The following PCDHGA6 variants were observed in gnomAD, a reference collection of about 807,000 sequenced individuals.
PCDHGA6 encodes protocadherin gamma subfamily A, 6, also known as protocadherin gamma-A6.
In PCDHGA6, 41 loss-of-function variants were observed where a neutral mutation model predicts 60.6. The ratio of observed to expected loss-of-function variants is 0.68; its 90% CI spans 0.53 to 0.88. The LOEUF (loss-of-function observed/expected upper bound fraction) is 0.88. PCDHGA6 is among the 40% of genes least tolerant of loss of function. The probability of loss-of-function intolerance (pLI) is 0.00; values close to 1 mark genes in which losing one functional copy is unlikely to be tolerated. For missense variants in PCDHGA6, 1,312 were observed against 1,203.0 expected, an observed-to-expected ratio of 1.09 and a Z score of -1.34; for synonymous variants, 594 against 524.4, an observed-to-expected ratio of 1.13 and a Z score of -1.81.
intron 1 of PCDHGA6, among the ~76,000 whole-genome samples, chr5:141,465,904 C>T (rs1364574558): frequency 2.0e-5 from 3 of 152,046 alleles, no homozygotes; most frequent in Admixed American, 6.5e-5. Context: ...GGGCAAATCA[C>T]GAGGTCAGGA....
At position 141,491,942 on chromosome 5, in the gene PCDHGA6, C is replaced by T. The variant is rs932715298; in HGVS notation, c.2425-2865C>T. 6.4e-5 allele frequency: 72 copies of T among 1,122,376 alleles called. No individual in the cohort carries two copies. Among genetic ancestry groups the T allele is most frequent in the Admixed American group, 3.5e-5 (1 of 28,738 alleles). 69.5% of individuals were successfully genotyped at this position (1,122,376 alleles called of 1,614,324 possible). A position where few individuals can be genotyped will look rare whatever the true frequency, so the allele number is the denominator to read the frequency against. ...GGCGAGGGGAGGTGGGACCGACCCC[C>T]ACCCCTACACTCAAAAAAGGCCGGG... is the stretch of plus-strand genomic sequence containing the variant. On this transcript the variant is annotated intron_variant, in intron 1 of 3. Transcript: ENST00000517434. The surrounding 1 kb of genome is among the most constrained non-coding windows in gnomAD (Gnocchi z 6.9).
chr5:141,500,461 G>A (rs1343646600), intron 2 of PCDHGA6, among the ~76,000 whole-genome samples: 1 of 151,910 alleles, frequency 6.6e-6, no homozygotes, highest in Non-Finnish European at 1.5e-5. Flanking sequence ...CGCCCGCCTC[G>A]GCCTCCCAAA....
Position 141,486,902 on chromosome 5 carries a change from C to T in PCDHGA6, c.2425-7905C>T, listed in dbSNP as rs2099636761. On this transcript the variant is annotated intron_variant, in intron 1 of 3. Transcript: ENST00000517434. This position sits in a 1 kb window ranked among gnomAD's most constrained non-coding sequence, Gnocchi z 5.0. ...TCGGGCCCGGCCTGGTTCCTTATGT[C>T]CCCAAGCACTGCCTCCATCAGTTGG... 1 of 1,614,226 alleles carries T rather than the reference C, an allele frequency of 6.2e-7. No individual in the cohort carries two copies. The highest frequency in any genetic ancestry group is 8.5e-7 in the Non-Finnish European group (1 of 1,180,044).
intron 1 of PCDHGA6, chr5:141,403,174 T>C: frequency 1.9e-6 from 3 of 1,614,000 alleles, no homozygotes; most frequent in Non-Finnish European, 2.5e-6. Context: ...GGACGCAGCT[T>C]TTCTCTCTGA....
At chr5:141,499,025 GAAGA>G (rs1309889371) in intron 2 of PCDHGA6, among the ~76,000 whole-genome samples, 11 of 140,712 alleles carry the variant, frequency 7.8e-5, no homozygotes, top group African/African-American at 2.6e-4. Flanking sequence ...AGGAAGGAAG[GAAGA>G]AAAGAAAGAA....
Position 141,421,056 on chromosome 5 carries a change from A to G in PCDHGA6, c.2424+44549A>G, listed in dbSNP as rs1378326708. On this transcript the variant is annotated intron_variant, in intron 1 of 3. Coordinates refer to ENST00000517434, the MANE Select transcript of PCDHGA6 (RefSeq NM_018919.3). ...TCCCTCCCTCCCCCGCCTCTACCACACAAAGCGGAATGAGATGGATACTCA... is the reference window on the plus strand; with the variant it reads ...TCCCTCCCTCCCCCGCCTCTACCACGCAAAGCGGAATGAGATGGATACTCA... 5 of 576,490 alleles carry G rather than the reference A, an allele frequency of 8.7e-6. No individual in the cohort carries two copies. In the East Asian group the frequency reaches 9.2e-5, roughly 11 times the overall value. The allele number at this position is 576,490 out of a possible 1,614,324, so 35.7% of individuals were successfully genotyped here. A position where few individuals can be genotyped will look rare whatever the true frequency, so the allele number is the denominator to read the frequency against.
chr5:141,487,485 G>A lies in PCDHGA6; in HGVS notation c.2425-7322G>A. On this transcript the variant is annotated intron_variant, in intron 1 of 3. Transcript: ENST00000517434. The surrounding 1 kb of genome is among the most constrained non-coding windows in gnomAD (Gnocchi z 5.0). ...GTTGATGTGGGAGGCCACTCTCATG[G>A]CTGTACACCCTTGGCTTCTGCACCC... The A allele has an allele frequency of 6.2e-7, 1 of 1,614,164 alleles. No homozygotes were observed. Among genetic ancestry groups the A allele is most frequent in the Non-Finnish European group, 8.5e-7 (1 of 1,180,030 alleles).
rs200533514 is a variant in PCDHGA6 at position 141,476,315 on chromosome 5, C to T, written c.2425-18492C>T. On this transcript the variant is annotated intron_variant, in intron 1 of 3. Transcript: ENST00000517434. This position sits in a 1 kb window ranked among gnomAD's most constrained non-coding sequence, Gnocchi z 7.6. The stretch of plus-strand genomic sequence containing the variant: ...CGGTAGCCTCTCAGCCCGCAGGTTC[C>T]GGGTGGTGTCTGGAGCTAGCCGAAG... 264 of 1,613,910 alleles carry T rather than the reference C, an allele frequency of 1.6e-4. No homozygotes were observed. The highest frequency in any genetic ancestry group is 2.1e-4 in the Non-Finnish European group (248 of 1,180,024).
chr5:141,476,714 C>T lies in PCDHGA6; in HGVS notation c.2425-18093C>T, dbSNP rs146188020. On this transcript the variant is annotated intron_variant, in intron 1 of 3. Transcript: ENST00000517434. The surrounding 1 kb of genome is among the most constrained non-coding windows in gnomAD (Gnocchi z 7.6). ...CAAGTACGCGGAGCTGGTGTTGGAG[C>T]GCGCCCTGGACCGAGAACGGGAGCC... The T allele has an allele frequency of 6.2e-7, 1 of 1,614,154 alleles. No individual in the cohort carries two copies. The highest frequency in any genetic ancestry group is 8.5e-7 in the Non-Finnish European group (1 of 1,180,032).
At chr5:141,377,524 G>A (rs574411289) in intron 1 of PCDHGA6, 3 of 151,920 alleles carry the variant, frequency 2.0e-5, no homozygotes, top group Admixed American at 6.6e-5. Context: ...TAAGTCCAGG[G>A]GTATGAGGCT....
chr5:141,410,091 G>C (rs778509378), intron 1 of PCDHGA6: 8 of 1,612,400 alleles, frequency 5.0e-6, no homozygotes, highest in South Asian at 1.1e-5. Context: ...CGCACGGCTC[G>C]AGCCTTAGGC....
intron 1 of PCDHGA6, among the ~76,000 whole-genome samples, chr5:141,450,424 CTTTAA>C (rs2098679800): frequency 1.3e-5 from 2 of 152,146 alleles, no homozygotes; most frequent in East Asian, 3.9e-4. Context: ...TGTATAATGC[CTTTAA>C]TTTATATTTG....
rs756761584 is a variant in PCDHGA6 at position 141,476,545 on chromosome 5, G to A, written c.2425-18262G>A. 13 of 1,614,230 alleles carry A rather than the reference G, an allele frequency of 8.1e-6. No homozygotes were observed. The Admixed American group carries it at 2.2e-4, about 27-fold the overall frequency. On this transcript the variant is annotated intron_variant, in intron 1 of 3. Coordinates refer to ENST00000517434, the MANE Select transcript of PCDHGA6 (RefSeq NM_018919.3). This position sits in a 1 kb window ranked among gnomAD's most constrained non-coding sequence, Gnocchi z 7.6. ...TCCCTACCCAGGAAATGAAATTGGA[G>A]ATTAGCGAGGCCGTGGCTCCGGGGA...
chr5:141,455,148 A>G (rs6897410), intron 1 of PCDHGA6, among the ~76,000 whole-genome samples: 9,268 of 149,002 alleles, frequency 0.062, 567 homozygotes, highest in African/African-American at 0.16. Flanking sequence ...TTAAATAAAT[A>G]TTAGTTTGTT....
At chr5:141,409,441 G>C (rs1432743588) in intron 1 of PCDHGA6, 1 of 1,613,884 alleles carries the variant, frequency 6.2e-7, no homozygotes, top group East Asian at 2.2e-5. Context: ...TGGACCGAGA[G>C]CAGACACCAG....
At chr5:141,399,739 C>T (rs774893843) in intron 1 of PCDHGA6, 2 of 1,613,218 alleles carry the variant, frequency 1.2e-6, no homozygotes, top group Non-Finnish European at 1.7e-6. Flanking sequence ...CTCGCCTGCG[C>T]TCAGCGCAAA....
chr5:141,385,223 A>G, intron 1 of PCDHGA6: 2 of 1,614,184 alleles, frequency 1.2e-6, no homozygotes, highest in Non-Finnish European at 1.7e-6. Context: ...CAGCCCAACT[A>G]TGTAGACATG....
At chr5:141,397,223 T>C (rs144227558) in intron 1 of PCDHGA6, among the ~76,000 whole-genome samples, 1 of 152,304 alleles carries the variant, frequency 6.6e-6, no homozygotes, top group East Asian at 1.9e-4. Context: ...TATTTTGAGA[T>C]ATGAAGAAGA....
chr5:141,501,635 T>G (rs553343946), intron 2 of PCDHGA6, among the ~76,000 whole-genome samples: 1 of 152,236 alleles, frequency 6.6e-6, no homozygotes, highest in African/African-American at 2.4e-5. Flanking sequence ...TCTCAACCTC[T>G]CTGAGCCCTG....
Sources: allele counts gnomAD v4.1 joint callset (sites outside exome capture counted in the v4.1 genomes callset), GRCh38; gene constraint gnomAD v4.1.1; non-coding constraint Gnocchi (gnomAD v3.1); transcripts MANE v1.5; gene names NCBI Gene and HGNC (gene_info 2026-07-23, HGNC 2026-07-21).